Variants in STPG2 observed in about 807,000 individuals in gnomAD.
STPG2 encodes sperm tail PG-rich repeat containing 2.
Under a neutral mutation model 54.2 loss-of-function variants are expected in STPG2, and 56 were observed. The ratio of observed to expected loss-of-function variants is 1.03; its 90% CI spans 0.83 to 1.29. The LOEUF is 1.29. STPG2 is among the 50% of genes most tolerant of loss of function. The probability of loss-of-function intolerance (pLI) is 0.00; values close to 1 mark genes in which losing one functional copy is unlikely to be tolerated. For synonymous variants in STPG2, 200 were observed against 181.8 expected (o/e 1.10, Z -0.81); for missense variants, 596 against 544.9 (o/e 1.09, Z -0.93).
chr4:97,795,954 T>G (rs899945499), intron 9 of STPG2, among the ~76,000 whole-genome samples: 1 of 152,232 alleles, frequency 6.6e-6, no homozygotes, highest in Non-Finnish European at 1.5e-5. Context: ...TGGCCAGTGA[T>G]GATGAGCATT....
At position 97,463,004 on chromosome 4, in the gene STPG2, T is replaced by C. The variant is rs192370433; in HGVS notation, c.462+249695A>G. ...TTCTTTCTATTCATTTGTTAAGTCA[T>C]TTACAATAAATGAGCATAAATTTTA... On this transcript the variant is annotated intron_variant, in intron 4 of 4. Coordinates refer to the STPG2 transcript ENST00000522676. 3.6e-4 allele frequency among the ~76,000 whole-genome samples: 55 copies of C among 152,264 alleles called. No homozygotes were observed. In the East Asian group the frequency reaches 0.01, roughly 29 times the overall value.
At chr4:97,921,213 C>A (rs1732093525) in intron 8 of STPG2, among the ~76,000 whole-genome samples, 1 of 152,074 alleles carries the variant, frequency 6.6e-6, no homozygotes. Context: ...GCACCCCTGA[C>A]CAAGCAGGCA....
rs139178174 is a variant in STPG2, at chr4:98,015,898, T to A, written c.613-34580A>T. On this transcript the variant is annotated intron_variant, in intron 5 of 10. Transcript: ENST00000295268. ...AGCCATAAAGAAGGATGAGTTCATG[T>A]CCTTTGCAGGGACATGGATGAAGCT... 5.2e-3 allele frequency among the ~76,000 whole-genome samples: 794 copies of A among 152,214 alleles called. 10 individuals are homozygous for A. Among genetic ancestry groups the A allele is most frequent in the African/African-American group, 0.018 (761 of 41,502 alleles).
chr4:97,841,059 A>T, intron 8 of STPG2, 127 bp from the exon 9 acceptor site: 2 of 911,214 alleles, frequency 2.2e-6, no homozygotes, highest in Non-Finnish European at 3.1e-6. Flanking sequence ...ATTAAACATT[A>T]AAAATAGAAA....
At chr4:97,492,846 AT>A (rs1362816273) in intron 4 of STPG2, among the ~76,000 whole-genome samples, 1 of 150,648 alleles carries the variant, frequency 6.6e-6, no homozygotes, top group African/African-American at 2.4e-5. Context: ...ATTTTGGAAG[AT>A]TGTATTTCTA....
chr4:97,551,021 T>C (rs188964168), intron 4 of STPG2, among the ~76,000 whole-genome samples: 7 of 144,238 alleles, frequency 4.9e-5, no homozygotes, highest in Admixed American at 2.0e-4. Flanking sequence ...GGGGACCCCA[T>C]TGGGTTGCCG....
chr4:97,624,070 G>A (rs1734080071), intron 10 of STPG2, among the ~76,000 whole-genome samples: 1 of 152,048 alleles, frequency 6.6e-6, no homozygotes, highest in Non-Finnish European at 1.5e-5. Flanking sequence ...CCATGTCTTT[G>A]ATACTGTGAA....
At chr4:97,850,080 A>C (rs1358886949) in intron 8 of STPG2, among the ~76,000 whole-genome samples, 1 of 151,596 alleles carries the variant, frequency 6.6e-6, no homozygotes. Context: ...ATCATGGAAT[A>C]CTATGCAGCC....
intron 3 of STPG2, among the ~76,000 whole-genome samples, chr4:98,111,182 T>C (rs919992277): frequency 6.6e-6 from 1 of 150,632 alleles, no homozygotes; most frequent in African/African-American, 2.4e-5. Flanking sequence ...AGCTGAACCC[T>C]CTTAACATCC....
rs59619775 is a variant in STPG2, at chr4:97,967,247, G to A, written c.933+5033C>T. ...GTCTCTGATAAAACAGACTTTAAAC[G>A]AACAAAGTTCAAAAGAGACAAGGCC... On this transcript the variant is annotated intron_variant, in intron 7 of 10. Coordinates refer to ENST00000295268, the MANE Select transcript of STPG2 (RefSeq NM_174952.3). Among the ~76,000 whole-genome samples, 7 of 146,532 alleles carry A rather than the reference G, an allele frequency of 4.8e-5. No homozygotes were observed. In the East Asian group the frequency reaches 1.0e-3, roughly 21 times the overall value.
intron 10 of STPG2, among the ~76,000 whole-genome samples, chr4:97,620,057 C>T (rs185982433): frequency 7.8e-4 from 119 of 152,188 alleles, no homozygotes; most frequent in African/African-American, 2.7e-3. Context: ...ATCTCCTGAC[C>T]TTGTGATCTG....
chr4:97,768,552 T>A (rs1277887962), intron 9 of STPG2, among the ~76,000 whole-genome samples: 1 of 152,216 alleles, frequency 6.6e-6, no homozygotes, highest in Non-Finnish European at 1.5e-5. Context: ...CATGTGCAAT[T>A]GTGCTTCATG....
At position 97,981,323 on chromosome 4, in the gene STPG2, T is replaced by C. The variant is rs767420439; in HGVS notation, c.613-5A>G. ...TGATTTCATAGGTAAAAATCTCTAG[T>C]GAAGAACAGGAAAATATGCCAATAA... On this transcript the variant is annotated splice_region_variant and splice_polypyrimidine_tract_variant and intron_variant, in intron 5 of 10. Transcript: ENST00000295268. The C allele has an allele frequency of 3.1e-6, 5 of 1,613,266 alleles. No individual in the cohort carries two copies. In the South Asian group the frequency reaches 5.5e-5, roughly 18 times the overall value.
chr4:97,663,175 T>C (rs1722424650), intron 10 of STPG2, among the ~76,000 whole-genome samples: 1 of 152,154 alleles, frequency 6.6e-6, no homozygotes, highest in Non-Finnish European at 1.5e-5. Flanking sequence ...AAAAAGTTGG[T>C]GAAGTCCCAG....
intron 8 of STPG2, among the ~76,000 whole-genome samples, chr4:97,913,011 C>T (rs1266090803): frequency 3.9e-5 from 6 of 152,120 alleles, no homozygotes; most frequent in Admixed American, 3.3e-4. Context: ...GTTCTTTTAG[C>T]AGAACAAATT....
At chr4:97,517,727 C>G (rs1402996393) in intron 4 of STPG2, among the ~76,000 whole-genome samples, 2 of 151,916 alleles carry the variant, frequency 1.3e-5, no homozygotes, top group Non-Finnish European at 2.9e-5. Flanking sequence ...TGTCAAAAAG[C>G]TATTGATTTG....
At chr4:97,737,976 C>A (rs1017162703) in intron 9 of STPG2, among the ~76,000 whole-genome samples, 5 of 152,068 alleles carry the variant, frequency 3.3e-5, no homozygotes, top group African/African-American at 1.2e-4. Flanking sequence ...GTCGGGTTAC[C>A]CACAAAGGGA....
chr4:97,572,588 T>A (rs1012932189), intron 10 of STPG2: 1 of 152,152 alleles, frequency 6.6e-6, no homozygotes, highest in Admixed American at 6.5e-5. Flanking sequence ...TATCATGCCT[T>A]ATTTATGCAA....
At chr4:97,877,982 G>C (rs1730238744) in intron 8 of STPG2, among the ~76,000 whole-genome samples, 1 of 152,132 alleles carries the variant, frequency 6.6e-6, no homozygotes, top group African/African-American at 2.4e-5. Flanking sequence ...ATTCCAAATG[G>C]GAAAAATTGG....
Sources: gnomAD v4.1 joint callset for allele counts (sites outside exome capture counted in the v4.1 genomes callset) on GRCh38, gnomAD v4.1.1 for gene constraint, MANE v1.5 for transcripts, NCBI Gene and HGNC (gene_info 2026-07-23, HGNC 2026-07-21) for gene names.